The following DPH6 variants were observed in gnomAD, a reference collection of about 807,000 sequenced individuals.
DPH6 encodes the protein diphthamine biosynthesis 6.
Under a neutral mutation model 38.2 loss-of-function variants are expected in DPH6, and 33 were observed. The ratio of observed to expected loss-of-function variants is 0.86; its 90% CI spans 0.65 to 1.15. The LOEUF (loss-of-function observed/expected upper bound fraction) is 1.15. Ranked by LOEUF, DPH6 falls within the 50% of genes most tolerant of loss-of-function variation. The pLI is 0.00. For missense variants in DPH6, 325 were observed against 320.0 expected, an observed-to-expected ratio of 1.02 and a Z score of -0.12; for synonymous variants, 108 against 103.0, an observed-to-expected ratio of 1.05 and a Z score of -0.30.
chr15:35,467,132 G>GT (rs2054136688), intron 3 of DPH6, among the ~76,000 whole-genome samples: 4 of 151,948 alleles, frequency 2.6e-5, no homozygotes, highest in Admixed American at 6.6e-5. Context: ...TTTTTAATCT[G>GT]TTTTTTACTC....
chr15:35,411,018 G>T, intron 5 of DPH6, 122 bp from the exon 6 acceptor site: 1 of 767,410 alleles, frequency 1.3e-6, no homozygotes, highest in Non-Finnish European at 2.0e-6. Flanking sequence ...GAATTGCTTT[G>T]ATCATAAAGT....
chr15:35,426,591 G>A (rs1466765211), intron 5 of DPH6, among the ~76,000 whole-genome samples: 2 of 151,790 alleles, frequency 1.3e-5, no homozygotes, highest in South Asian at 2.1e-4. Flanking sequence ...GTTAGTATGT[G>A]TAGGAGTAGA....
chr15:35,522,383 T>C (rs990443935), intron 3 of DPH6: 45 of 1,163,024 alleles, frequency 3.9e-5, no homozygotes, highest in Non-Finnish European at 4.0e-5. Context: ...AGGCTGTCTC[T>C]GCTTATTCAG....
chr15:35,266,904 A>G (rs1012036685), intron 3 of DPH6, among the ~76,000 whole-genome samples: 1 of 152,220 alleles, frequency 6.6e-6, no homozygotes, highest in Non-Finnish European at 1.5e-5. Flanking sequence ...CATAACATTA[A>G]TACAGAAATA....
chr15:35,245,977 C>T (rs921283771), intron 3 of DPH6, among the ~76,000 whole-genome samples: 8 of 152,254 alleles, frequency 5.3e-5, no homozygotes, highest in African/African-American at 1.9e-4. Context: ...TGAAAATGGC[C>T]GGTTCCTGCC....
Position 35,435,529 on chromosome 15 carries a change from G to C in DPH6, c.505+15156C>G, listed in dbSNP as rs573485477. 4.5e-4 allele frequency among the ~76,000 whole-genome samples: 69 copies of C among 152,302 alleles called. No individual in the cohort carries two copies. The South Asian group carries it at 0.014, about 30-fold the overall frequency. ...ACCAGGAATTCATGCCTTATGCAGG[G>C]GGAGGAGTCAGGCCTCTTCAGCTCA... is the stretch of plus-strand genomic sequence containing the variant. On this transcript the variant is annotated intron_variant, in intron 5 of 8. Transcript: ENST00000256538.
intron 3 of DPH6, among the ~76,000 whole-genome samples, chr15:35,522,627 T>G (rs2054938507): frequency 1.3e-5 from 2 of 152,122 alleles, no homozygotes; most frequent in Non-Finnish European, 2.9e-5. Flanking sequence ...TCCTGTTGAT[T>G]TGATAATCAA....
At position 35,546,116 on chromosome 15, in the gene DPH6, T is replaced by C. The variant is rs2055349784; in HGVS notation, c.23+3A>G. On this transcript the variant is annotated splice_donor_region_variant and intron_variant, in intron 1 of 8. Coordinates refer to ENST00000256538, the MANE Select transcript of DPH6 (RefSeq NM_080650.4). ...GAAGGAGGCGGCTCCAGGACCGCATTACCTGATCAGAGCCGCGACCCTCAT... is the reference window on the plus strand; with the variant it reads ...GAAGGAGGCGGCTCCAGGACCGCATCACCTGATCAGAGCCGCGACCCTCAT... 5.0e-6 allele frequency: 7 copies of C among 1,408,148 alleles called. No individual in the cohort carries two copies. Among genetic ancestry groups the C allele is most frequent in the Non-Finnish European group, 6.6e-6 (7 of 1,066,876 alleles). 87.2% of individuals were successfully genotyped at this position (1,408,148 alleles called of 1,614,324 possible). A position where few individuals can be genotyped will look rare whatever the true frequency, so the allele number is the denominator to read the frequency against.
chr15:35,477,627 C>T (rs1459659170), intron 3 of DPH6, among the ~76,000 whole-genome samples: 1 of 151,814 alleles, frequency 6.6e-6, no homozygotes, highest in Non-Finnish European at 1.5e-5. Flanking sequence ...GATTTCATTT[C>T]CTTGTCACAG....
At chr15:35,256,368 CT>C (rs1324435551) in intron 3 of DPH6, among the ~76,000 whole-genome samples, 6 of 152,126 alleles carry the variant, frequency 3.9e-5, no homozygotes, top group African/African-American at 1.4e-4. Flanking sequence ...TAGTCAGATA[CT>C]TTTCTAGATT....
chr15:35,177,613 A>G, the DPH6 span, among the ~76,000 whole-genome samples: 5 of 146,488 alleles, frequency 3.4e-5, no homozygotes, highest in Non-Finnish European at 7.5e-5. Flanking sequence ...CATCATCATC[A>G]TCATCATCAT....
intron 3 of DPH6, among the ~76,000 whole-genome samples, chr15:35,274,691 G>T (rs1206729325): frequency 1.3e-5 from 2 of 151,550 alleles, no homozygotes; most frequent in African/African-American, 4.8e-5. Flanking sequence ...ACCACAATGA[G>T]ATACCATCTC....
intron 3 of DPH6, among the ~76,000 whole-genome samples, chr15:35,283,708 C>A (rs1382358921): frequency 6.6e-6 from 1 of 151,608 alleles, no homozygotes; most frequent in Non-Finnish European, 1.5e-5. Flanking sequence ...ACAATGGCCA[C>A]CATTTCTAGC....
At chr15:35,206,048 A>C in the DPH6 span, among the ~76,000 whole-genome samples, 2 of 152,144 alleles carry the variant, frequency 1.3e-5, no homozygotes, top group African/African-American at 4.8e-5. Context: ...TTAAGAAATA[A>C]AGCAATGGTA....
chr15:35,455,447 T>G (rs527925915), intron 3 of DPH6, among the ~76,000 whole-genome samples: 4 of 152,276 alleles, frequency 2.6e-5, no homozygotes, highest in African/African-American at 9.6e-5. Context: ...ACAACTATCC[T>G]GTCTAGCATA....
chr15:35,446,157 G>A (rs1216538773), intron 5 of DPH6, among the ~76,000 whole-genome samples: 2 of 151,430 alleles, frequency 1.3e-5, no homozygotes, highest in African/African-American at 2.4e-5. Context: ...TTTGTAAACA[G>A]ATGACATAAA....
intron 3 of DPH6, among the ~76,000 whole-genome samples, chr15:35,246,222 C>A (rs747259993): frequency 6.6e-6 from 1 of 152,202 alleles, no homozygotes; most frequent in Non-Finnish European, 1.5e-5. Flanking sequence ...TCACACAAAG[C>A]GTGTTTGGTG....
chr15:35,450,827 A>C (rs761767468), intron 4 of DPH6, 24 bp from the exon 5 acceptor site: 36 of 1,554,212 alleles, frequency 2.3e-5, no homozygotes, highest in Non-Finnish European at 3.1e-5. Flanking sequence ...AGAAAAAGAA[A>C]GTCAGATGAT....
In DPH6 at chr15:35,462,599, C is replaced by T. The variant is rs185158651; in HGVS notation, c.313-7779G>A. 8.0e-4 allele frequency among the ~76,000 whole-genome samples: 122 copies of T among 152,326 alleles called. 1 individual carries two copies. Among genetic ancestry groups the T allele is most frequent in the African/African-American group, 2.9e-3 (121 of 41,572 alleles). On this transcript the variant is annotated intron_variant, in intron 3 of 8. Coordinates refer to ENST00000256538, the MANE Select transcript of DPH6 (RefSeq NM_080650.4). ...ATGTGGCTTATTCCCTCACTTCTTC[C>T]AGGTCTCTGTGAAAATATCTCAGAG...
Sources: gnomAD v4.1 joint callset for allele counts (sites outside exome capture counted in the v4.1 genomes callset) on GRCh38, gnomAD v4.1.1 for gene constraint, MANE v1.5 for transcripts, NCBI Gene and HGNC (gene_info 2026-07-23, HGNC 2026-07-21) for gene names.